WDR7: variants seen among roughly 807,000 people sequenced by gnomAD.
The protein encoded by WDR7 is WD repeat domain 7, also known as WD repeat-containing protein 7.
In WDR7, 46 loss-of-function variants were observed where a neutral mutation model predicts 169.4. The ratio of observed to expected loss-of-function variants is 0.27; its 90% CI spans 0.21 to 0.35. The LOEUF (loss-of-function observed/expected upper bound fraction) is 0.35. Among genes scored for constraint, WDR7 ranks in the 10% least tolerant of loss-of-function variants. WDR7 has a pLI of 1.00. For missense variants in WDR7, 1,534 were observed against 1,859.3 expected, an observed-to-expected ratio of 0.83 and a Z score of 3.22; for synonymous variants, 612 against 666.8, an observed-to-expected ratio of 0.92 and a Z score of 1.27.
chr18:56,741,456 A>G (rs1367308517), intron 14 of WDR7, among the ~76,000 whole-genome samples: 1 of 152,066 alleles, frequency 6.6e-6, no homozygotes, highest in East Asian at 1.9e-4. Context: ...ATCTTTTTGT[A>G]TTTAATCGGC....
At chr18:56,778,232 C>G (rs72916610) in intron 17 of WDR7, among the ~76,000 whole-genome samples, 2 of 151,954 alleles carry the variant, frequency 1.3e-5, no homozygotes, top group African/African-American at 4.8e-5. Context: ...GTCTCTCTCC[C>G]GCTCTCATTC....
intron 19 of WDR7, among the ~76,000 whole-genome samples, chr18:56,807,695 A>G (rs1054362052): frequency 6.6e-6 from 1 of 151,798 alleles, no homozygotes; most frequent in African/African-American, 2.4e-5. Context: ...AATACTAGTT[A>G]GGAAAAAATG....
chr18:56,732,537 T>C (rs557482019), intron 14 of WDR7, among the ~76,000 whole-genome samples: 14 of 152,198 alleles, frequency 9.2e-5, no homozygotes, highest in Non-Finnish European at 2.1e-4. Context: ...GTGCTGATGA[T>C]ACATGAAATA....
chr18:56,970,988 C>T (rs2047475827), intron 26 of WDR7, among the ~76,000 whole-genome samples: 1 of 152,020 alleles, frequency 6.6e-6, no homozygotes, highest in Non-Finnish European at 1.5e-5. Context: ...AATGGAACTC[C>T]CAGCTGGGCG....
intron 26 of WDR7, among the ~76,000 whole-genome samples, chr18:56,985,873 G>C (rs1599220533): frequency 6.6e-6 from 1 of 152,150 alleles, no homozygotes; most frequent in East Asian, 1.9e-4. Flanking sequence ...GTTTCTTAAA[G>C]AGAGTTTAAA....
chr18:56,768,111 T>C (rs896628883), intron 16 of WDR7, among the ~76,000 whole-genome samples: 10 of 152,200 alleles, frequency 6.6e-5, no homozygotes, highest in African/African-American at 2.4e-4. Flanking sequence ...TCATGATGCA[T>C]TATATATTCA....
At chr18:56,798,067 A>G (rs1268506991) in intron 19 of WDR7, among the ~76,000 whole-genome samples, 2 of 152,198 alleles carry the variant, frequency 1.3e-5, no homozygotes, top group Non-Finnish European at 2.9e-5. Context: ...GATTGGTGCT[A>G]TATTGATGGA....
chr18:56,788,573 C>T (rs1339876480), intron 19 of WDR7, among the ~76,000 whole-genome samples: 2 of 151,994 alleles, frequency 1.3e-5, no homozygotes, highest in African/African-American at 2.4e-5. Context: ...CTGTGCTGTC[C>T]CTCTTGGTTC....
intron 14 of WDR7, among the ~76,000 whole-genome samples, chr18:56,735,788 C>T (rs914247454): frequency 3.3e-5 from 5 of 152,154 alleles, no homozygotes; most frequent in African/African-American, 4.8e-5. Flanking sequence ...CAGGCATAGA[C>T]AATATGTGAA....
chr18:56,825,041 G>C (rs1324070626), intron 20 of WDR7, among the ~76,000 whole-genome samples: 2 of 152,184 alleles, frequency 1.3e-5, no homozygotes, highest in Non-Finnish European at 2.9e-5. Flanking sequence ...AGATGTACTT[G>C]TGGATGATGG....
At chr18:56,831,586 G>A (rs900305861) in intron 20 of WDR7, among the ~76,000 whole-genome samples, 1 of 152,138 alleles carries the variant, frequency 6.6e-6, no homozygotes, top group Non-Finnish European at 1.5e-5. Flanking sequence ...AGCTCCCAGC[G>A]AGACCAACCC....
intron 21 of WDR7, among the ~76,000 whole-genome samples, chr18:56,916,062 C>T (rs1475881510): frequency 2.0e-5 from 3 of 152,176 alleles, no homozygotes; most frequent in Non-Finnish European, 4.4e-5. Flanking sequence ...CTGCGGGTAA[C>T]TGCAGATTCC....
chr18:57,026,955 A>T, intron 27 of WDR7, 49 bp from the exon 28 acceptor site: 1 of 1,571,634 alleles, frequency 6.4e-7, no homozygotes. Flanking sequence ...TGTGATAGGG[A>T]AAGGGAGAGG....
At position 56,846,607 on chromosome 18, in the gene WDR7, C is replaced by T. The variant is rs151062276; in HGVS notation, c.3304+30463C>T. On this transcript the variant is annotated intron_variant, in intron 20 of 27. Transcript: ENST00000254442. ...GTAATCTTTACCAGTAGCATGAAAACGGACTAATACAAATGGCTTGGTGCC... is the reference window on the plus strand; with the variant it reads ...GTAATCTTTACCAGTAGCATGAAAATGGACTAATACAAATGGCTTGGTGCC... Among the ~76,000 whole-genome samples the T allele has an allele frequency of 6.5e-4, 99 of 152,258 alleles. No individual in the cohort carries two copies. In the East Asian group the frequency reaches 0.016, roughly 25 times the overall value.
chr18:56,956,255 C>T (rs2047249020), intron 25 of WDR7, among the ~76,000 whole-genome samples: 1 of 152,110 alleles, frequency 6.6e-6, no homozygotes, highest in African/African-American at 2.4e-5. Context: ...CTCCACCGTT[C>T]ATAGCCCCCA....
At chr18:57,004,499 C>T (rs913398480) in intron 26 of WDR7, among the ~76,000 whole-genome samples, 3 of 152,210 alleles carry the variant, frequency 2.0e-5, no homozygotes, top group African/African-American at 7.2e-5. Flanking sequence ...CTATCTGTCG[C>T]ATTGTTCCTG....
intron 17 of WDR7, among the ~76,000 whole-genome samples, chr18:56,778,441 A>G (rs548532319): frequency 6.6e-6 from 1 of 152,098 alleles, no homozygotes; most frequent in Non-Finnish European, 1.5e-5. Context: ...TATCCCTAGG[A>G]GGTAATGGTA....
intron 26 of WDR7, among the ~76,000 whole-genome samples, chr18:57,018,518 C>G (rs1054659450): frequency 3.9e-5 from 6 of 152,228 alleles, no homozygotes; most frequent in Admixed American, 3.9e-4. Flanking sequence ...CACCACTCAG[C>G]CCTGGCTGAT....
intron 25 of WDR7, among the ~76,000 whole-genome samples, chr18:56,944,753 C>T (rs1291501379): frequency 6.6e-6 from 1 of 152,080 alleles, no homozygotes; most frequent in Non-Finnish European, 1.5e-5. Flanking sequence ...CTGAATCTCG[C>T]TTGTTGATAT....
Sources: gnomAD v4.1 joint callset for allele counts (sites outside exome capture counted in the v4.1 genomes callset) on GRCh38, gnomAD v4.1.1 for gene constraint, MANE v1.5 for transcripts, NCBI Gene and HGNC (gene_info 2026-07-23, HGNC 2026-07-21) for gene names.